Variants in ZNF610 observed in about 807,000 individuals in gnomAD.
ZNF610 encodes zinc finger protein 610, also known as zink finger protein.
A neutral mutation model predicts 14.1 loss-of-function variants in ZNF610; 14 were observed. That is an observed-to-expected ratio of 0.99 (90% CI 0.65 to 1.55). ZNF610 has a LOEUF of 1.55. ZNF610 is among the 40% of genes most tolerant of loss of function. The pLI is 0.00. For synonymous variants in ZNF610, 185 were observed against 187.6 expected (o/e 0.99, Z 0.11); for missense variants, 530 against 558.0 (o/e 0.95, Z 0.51).
chr19:52,340,711 C>T (rs1984647121), intron 1 of ZNF610, among the ~76,000 whole-genome samples: 1 of 151,514 alleles, frequency 6.6e-6, no homozygotes, highest in Non-Finnish European at 1.5e-5. Flanking sequence ...GACGGAGTCT[C>T]ACTGTGTCAC....
chr19:52,364,199 TGC>T (rs1985915876), intron 5 of ZNF610, among the ~76,000 whole-genome samples: 1 of 152,240 alleles, frequency 6.6e-6, no homozygotes, highest in Non-Finnish European at 1.5e-5. Context: ...CACATTTTAG[TGC>T]TTTTTAAATA....
upstream of ZNF610, among the ~76,000 whole-genome samples, chr19:52,331,801 G>A (rs117410303): frequency 1.6e-3 from 248 of 152,324 alleles, 4 homozygotes; most frequent in East Asian, 0.024. Context: ...ATGGAGGGCT[G>A]TGTAAAGCTC....
chr19:52,355,305 A>T (rs1355598302), intron 5 of ZNF610, among the ~76,000 whole-genome samples: 1 of 152,154 alleles, frequency 6.6e-6, no homozygotes, highest in Non-Finnish European at 1.5e-5. Flanking sequence ...TAATGGGAAG[A>T]TGTAATCAGG....
At chr19:52,357,632 G>A (rs1483456797) in intron 5 of ZNF610, among the ~76,000 whole-genome samples, 5 of 121,572 alleles carry the variant, frequency 4.1e-5, no homozygotes, top group South Asian at 5.6e-4. Flanking sequence ...GAGATAGAGC[G>A]AGCCTCCATC....
At chr19:52,363,816 A>G (rs541387079) in intron 5 of ZNF610, among the ~76,000 whole-genome samples, 1 of 152,168 alleles carries the variant, frequency 6.6e-6, no homozygotes, top group African/African-American at 2.4e-5. Context: ...TCTGATTCCA[A>G]TGGGAAATCA....
At chr19:52,346,904 AT>A (rs1984988380) in intron 1 of ZNF610, among the ~76,000 whole-genome samples, 1 of 151,554 alleles carries the variant, frequency 6.6e-6, no homozygotes, top group Non-Finnish European at 1.5e-5. Context: ...TAATTTTTGT[AT>A]TTTTAGTGGA....
chr19:52,349,109 A>T (rs1985108940), intron 2 of ZNF610, 45 bp from the exon 3 acceptor site: 3 of 1,405,462 alleles, frequency 2.1e-6, no homozygotes, highest in Non-Finnish European at 3.0e-6. Context: ...TAGGGAGGGG[A>T]ATGTGTTGAT....
intron 1 of ZNF610, among the ~76,000 whole-genome samples, chr19:52,343,639 A>C (rs558638654): frequency 2.7e-4 from 41 of 152,274 alleles, no homozygotes; most frequent in Admixed American, 9.8e-4. Flanking sequence ...TTTGAGTTGT[A>C]CCTTGATACA....
At chr19:52,351,644 C>T in intron 3 of ZNF610, among the ~76,000 whole-genome samples, 1 of 152,096 alleles carries the variant, frequency 6.6e-6, no homozygotes, top group East Asian at 1.9e-4. Context: ...TGCTCAGGAG[C>T]TTCCCTTTCT....
intron 1 of ZNF610, among the ~76,000 whole-genome samples, chr19:52,343,692 C>T (rs759184652): frequency 1.3e-5 from 2 of 152,132 alleles, no homozygotes; most frequent in East Asian, 1.9e-4. Context: ...AGTGGAGACC[C>T]GCAAGAACAG....
chr19:52,351,532 A>G (rs1359935587), intron 3 of ZNF610, among the ~76,000 whole-genome samples: 1 of 151,162 alleles, frequency 6.6e-6, no homozygotes, highest in Non-Finnish European at 1.5e-5. Flanking sequence ...CATGTGTGCC[A>G]TTCAGCCCAG....
At chr19:52,345,059 G>A (rs556619250) in intron 1 of ZNF610, 101 of 152,402 alleles carry the variant, frequency 6.6e-4, no homozygotes, top group African/African-American at 2.2e-3. Context: ...TAGGATTACA[G>A]GTGTGAGCCA....
At chr19:52,345,790 C>T (rs1455195028) in intron 1 of ZNF610, among the ~76,000 whole-genome samples, 5 of 151,904 alleles carry the variant, frequency 3.3e-5, no homozygotes, top group Admixed American at 6.6e-5. Context: ...CTGCAAGCTC[C>T]GTCTCCCGGG....
At chr19:52,362,257 G>A (rs59043312) in intron 5 of ZNF610, among the ~76,000 whole-genome samples, 27,055 of 152,146 alleles carry the variant, frequency 0.18, 2,695 homozygotes, top group East Asian at 0.26. Flanking sequence ...CTAAAAATAC[G>A]AAAGTTAGCT....
intron 5 of ZNF610, among the ~76,000 whole-genome samples, chr19:52,361,637 T>C (rs1985785791): frequency 6.6e-6 from 1 of 151,394 alleles, no homozygotes; most frequent in South Asian, 2.1e-4. Context: ...ATTTTTTTTT[T>C]CAAAAGAGAC....
At chr19:52,338,419 C>T (rs1984483607) in intron 1 of ZNF610, among the ~76,000 whole-genome samples, 1 of 152,232 alleles carries the variant, frequency 6.6e-6, no homozygotes, top group South Asian at 2.1e-4. Flanking sequence ...CGCAGTGGCT[C>T]TTGCTTCTAA....
intron 1 of ZNF610, among the ~76,000 whole-genome samples, chr19:52,338,705 T>G (rs192168244): frequency 4.7e-4 from 71 of 151,234 alleles, no homozygotes; most frequent in African/African-American, 1.6e-3. Flanking sequence ...AGTAAACATG[T>G]TTTTTTTTCT....
chr19:52,343,665 G>T (rs1019346584), intron 1 of ZNF610, among the ~76,000 whole-genome samples: 15 of 152,192 alleles, frequency 9.9e-5, no homozygotes, highest in African/African-American at 3.4e-4. Context: ...TTTCTTGGGA[G>T]AAATGGCATC....
chr19:52,354,638 G>C (rs1211004284), intron 5 of ZNF610, among the ~76,000 whole-genome samples: 1 of 148,970 alleles, frequency 6.7e-6, no homozygotes, highest in Admixed American at 6.7e-5. Context: ...GAGTGCAGTG[G>C]TGTGATCTCG....
Sources: gnomAD v4.1 joint callset for allele counts (sites outside exome capture counted in the v4.1 genomes callset) on GRCh38, gnomAD v4.1.1 for gene constraint, MANE v1.5 for transcripts, NCBI Gene and HGNC (gene_info 2026-07-23, HGNC 2026-07-21) for gene names.